Variants in PCCA observed in about 807,000 individuals in gnomAD.
PCCA encodes the protein propionyl-CoA carboxylase alpha chain, mitochondrial.
PCCA carries 74 observed loss-of-function variants against 101.3 expected under a neutral mutation model. The observed-to-expected ratio is 0.73, with a 90% confidence interval of 0.61 to 0.89. The LOEUF is 0.89. Among genes scored for constraint, PCCA ranks in the 40% least tolerant of loss-of-function variants. PCCA has a pLI of 0.00. For missense variants in PCCA, 891 were observed against 907.0 expected (o/e 0.98, Z 0.23); for synonymous variants, 294 against 313.6 (o/e 0.94, Z 0.66).
chr13:100,397,566 T>G (rs1283287), intron 19 of PCCA, among the ~76,000 whole-genome samples: 39,945 of 152,090 alleles, frequency 0.26, 5,755 homozygotes, highest in East Asian at 0.58. Context: ...GTGTTTTTTT[T>G]GAAGGTATTC....
At chr13:100,397,279 GTAGACCCTTGAGCAA>G (rs2152848497) in intron 19 of PCCA, among the ~76,000 whole-genome samples, 1 of 152,302 alleles carries the variant, frequency 6.6e-6, no homozygotes, top group South Asian at 2.1e-4. Flanking sequence ...TTTGCTAGCT[GTAGACCCTTGAGCAA>G]TTATGTAACT....
At chr13:100,422,610 C>G (rs1016620785) in intron 19 of PCCA, among the ~76,000 whole-genome samples, 1 of 152,176 alleles carries the variant, frequency 6.6e-6, no homozygotes, top group Non-Finnish European at 1.5e-5. Flanking sequence ...CCTTCCTCCT[C>G]CATATCTGTT....
chr13:100,371,924 A>G (rs1187640919), intron 19 of PCCA, among the ~76,000 whole-genome samples: 2 of 152,256 alleles, frequency 1.3e-5, no homozygotes, highest in African/African-American at 4.8e-5. Context: ...TAAAATATTC[A>G]GTGGAGAAAA....
At chr13:100,348,906 C>CTTTCTT (rs759926389) in intron 18 of PCCA, among the ~76,000 whole-genome samples, 5 of 58,490 alleles carry the variant, frequency 8.5e-5, no homozygotes, top group East Asian at 1.4e-3. Flanking sequence ...TCCTTCCTTC[C>CTTTCTT]TTCCTTTCTT....
At chr13:100,174,330 TG>T (rs1263814614) in intron 6 of PCCA, among the ~76,000 whole-genome samples, 1 of 151,760 alleles carries the variant, frequency 6.6e-6, no homozygotes, top group Admixed American at 6.6e-5. Flanking sequence ...AACCATTGTA[TG>T]GAAAACTTAA....
At chr13:100,276,213 C>CAAAAAAAAAAA (rs59671834) in intron 12 of PCCA, among the ~76,000 whole-genome samples, 3 of 102,138 alleles carry the variant, frequency 2.9e-5, no homozygotes, top group Non-Finnish European at 5.6e-5. Context: ...TTGTCTGTAC[C>CAAAAAAAAAAA]AAAAAAAAAA....
At chr13:100,186,729 A>C (rs2152438973) in intron 6 of PCCA, among the ~76,000 whole-genome samples, 1 of 150,714 alleles carries the variant, frequency 6.6e-6, no homozygotes, top group African/African-American at 2.4e-5. Context: ...TGAGAGTGAG[A>C]TTCCATCTCA....
chr13:100,488,793 G>A (rs967104560), intron 21 of PCCA, among the ~76,000 whole-genome samples: 11 of 152,080 alleles, frequency 7.2e-5, no homozygotes, highest in South Asian at 4.2e-4. Flanking sequence ...GCAGCAGAGC[G>A]AGACCCTCCC....
chr13:100,168,044 C>G (rs1464190453), intron 6 of PCCA, among the ~76,000 whole-genome samples: 2 of 152,216 alleles, frequency 1.3e-5, no homozygotes, highest in South Asian at 2.1e-4. Flanking sequence ...CACTGACCCC[C>G]TCTTTTCTCT....
At chr13:100,353,747 G>T (rs1458771167) in intron 18 of PCCA, among the ~76,000 whole-genome samples, 1 of 152,094 alleles carries the variant, frequency 6.6e-6, no homozygotes, top group Non-Finnish European at 1.5e-5. Flanking sequence ...GAGCCCACTA[G>T]TTCGAGACCA....
intron 19 of PCCA, among the ~76,000 whole-genome samples, chr13:100,407,484 C>T (rs1457709004): frequency 4.6e-5 from 7 of 152,166 alleles, no homozygotes; most frequent in African/African-American, 1.4e-4. Context: ...TAAGTAAAAA[C>T]CTTTTATAGC....
Position 100,346,607 on chromosome 13 carries a change from A to G in PCCA, c.1643+6348A>G, listed in dbSNP as rs773997754. 1.1e-3 allele frequency among the ~76,000 whole-genome samples: 170 copies of G among 152,366 alleles called. 2 individuals carry two copies. Among genetic ancestry groups the G allele is most frequent in the Non-Finnish European group, 5.0e-4 (34 of 68,032 alleles). ...TTAACTTAGTTGATAAAGCAGCGGC[A>G]AGTTTTGAGAGGATTGACTCTAATT... On this transcript the variant is annotated intron_variant, in intron 18 of 23. Transcript: ENST00000376285.
At chr13:100,188,332 CAAAG>C (rs985487339) in intron 6 of PCCA, among the ~76,000 whole-genome samples, 15 of 140,524 alleles carry the variant, frequency 1.1e-4, no homozygotes, top group Non-Finnish European at 2.2e-4. Flanking sequence ...AACAAAAACA[CAAAG>C]AAAGAAAGAA....
intron 6 of PCCA, among the ~76,000 whole-genome samples, chr13:100,184,421 G>T (rs1408419579): frequency 1.3e-5 from 2 of 152,162 alleles, no homozygotes; most frequent in Non-Finnish European, 2.9e-5. Context: ...CTGTTAAGTA[G>T]GCAGATATTT....
At chr13:100,306,104 A>G (rs539750509) in intron 14 of PCCA, among the ~76,000 whole-genome samples, 118 of 152,330 alleles carry the variant, frequency 7.7e-4, no homozygotes, top group African/African-American at 2.8e-3. Flanking sequence ...GAGGTTCTAC[A>G]TGTGGTCCCT....
At position 100,301,446 on chromosome 13, in the gene PCCA, C is replaced by T. The variant is rs1214250161; in HGVS notation, c.1066-14C>T. ...TTTTCTACACCTACTGACTGGCAGA[C>T]CTTGGCCTTGCAGGTTGAGCATCCT... On this transcript the variant is annotated splice_polypyrimidine_tract_variant and intron_variant, in intron 12 of 23. Transcript: ENST00000376285. 1 of 1,613,844 alleles carries T rather than the reference C, an allele frequency of 6.2e-7. No individual in the cohort carries two copies. The highest frequency in any genetic ancestry group is 8.5e-7 in the Non-Finnish European group (1 of 1,179,774).
intron 19 of PCCA, among the ~76,000 whole-genome samples, chr13:100,420,609 C>T (rs1464040268): frequency 6.6e-6 from 1 of 152,082 alleles, no homozygotes; most frequent in East Asian, 1.9e-4. Context: ...CATCTAAATA[C>T]ATCTGAAATA....
chr13:100,358,883 G>T (rs1460390997), intron 18 of PCCA, among the ~76,000 whole-genome samples: 7 of 152,128 alleles, frequency 4.6e-5, no homozygotes, highest in Middle Eastern at 3.4e-3. Flanking sequence ...ATCACCTGAG[G>T]TCAGGAGTTT....
intron 12 of PCCA, among the ~76,000 whole-genome samples, chr13:100,282,911 G>C (rs547193570): frequency 1.1e-4 from 16 of 151,852 alleles, no homozygotes; most frequent in African/African-American, 3.6e-4. Flanking sequence ...ATCTCCCCCC[G>C]CCCAGAAGGA....
Sources: allele counts gnomAD v4.1 joint callset (sites outside exome capture counted in the v4.1 genomes callset), GRCh38; gene constraint gnomAD v4.1.1; transcripts MANE v1.5; gene names NCBI Gene and HGNC (gene_info 2026-07-23, HGNC 2026-07-21).